NTM: variants seen among roughly 807,000 people sequenced by gnomAD.
NTM encodes neurotrimin.
Under a neutral mutation model 42.1 loss-of-function variants are expected in NTM, and 13 were observed. The observed-to-expected ratio is 0.31, with a 90% CI of 0.20 to 0.49. NTM has a LOEUF of 0.49. NTM is among the 20% of genes least tolerant of loss of function. The pLI is 0.99. For missense variants in NTM, 373 were observed against 452.8 expected, an observed-to-expected ratio of 0.82 and a Z score of 1.60; for synonymous variants, 187 against 179.2, an observed-to-expected ratio of 1.04 and a Z score of -0.35.
At chr11:131,517,358 T>C (rs867276326) in intron 1 of NTM, among the ~76,000 whole-genome samples, 2 of 152,176 alleles carry the variant, frequency 1.3e-5, no homozygotes, top group Non-Finnish European at 2.9e-5. Flanking sequence ...TCCCTTTCCT[T>C]TTTACTGTCA....
chr11:132,253,027 G>A (rs900742984), intron 4 of NTM, among the ~76,000 whole-genome samples: 1 of 152,200 alleles, frequency 6.6e-6, no homozygotes, highest in Admixed American at 6.5e-5. Context: ...AGAAGAAAAT[G>A]TTGATTCTAA....
At chr11:131,753,904 TAAAA>T (rs1424638191) in intron 1 of NTM, among the ~76,000 whole-genome samples, 1 of 142,930 alleles carries the variant, frequency 7.0e-6, no homozygotes, top group East Asian at 2.2e-4. Context: ...ATAATAAAAT[TAAAA>T]AAAGAAAATG....
intron 2 of NTM, among the ~76,000 whole-genome samples, chr11:132,129,842 C>T (rs1304987901): frequency 1.3e-5 from 2 of 152,222 alleles, no homozygotes; most frequent in African/African-American, 4.8e-5. Context: ...AAATGTCTGT[C>T]TGTCTTCTCC....
intron 1 of NTM, among the ~76,000 whole-genome samples, chr11:131,428,880 CAAAAAA>C (rs35312475): frequency 1.9e-4 from 16 of 83,992 alleles, no homozygotes; most frequent in African/African-American, 7.4e-4. Context: ...ACTAAAAATA[CAAAAAA>C]AAAAAAAAAA....
intron 1 of NTM, among the ~76,000 whole-genome samples, chr11:131,603,224 C>A (rs1395825695): frequency 6.6e-6 from 1 of 152,130 alleles, no homozygotes; most frequent in Non-Finnish European, 1.5e-5. Flanking sequence ...CATGCTAAAC[C>A]ACGTGGGTCC....
intron 1 of NTM, among the ~76,000 whole-genome samples, chr11:131,829,920 C>T (rs1331901591): frequency 1.3e-5 from 2 of 152,124 alleles, no homozygotes; most frequent in Non-Finnish European, 2.9e-5. Flanking sequence ...TTGCATTTCT[C>T]TGATGATTAG....
chr11:132,221,042 T>C (rs1446560811), intron 4 of NTM, among the ~76,000 whole-genome samples: 1 of 152,106 alleles, frequency 6.6e-6, no homozygotes, highest in African/African-American at 2.4e-5. Flanking sequence ...GGGAGTTTCT[T>C]GTGTAGGACC....
Position 131,651,149 on chromosome 11 carries a change from T to C in NTM, c.83-260415T>C, listed in dbSNP as rs111608574. On this transcript the variant is annotated intron_variant, in intron 1 of 8. Coordinates refer to ENST00000683400, the MANE Select transcript of NTM (RefSeq NM_001352005.2). ...TTTTAAGTTTGCTTCATAAAAACAA[T>C]TTAAATTAAGCTCCTCAAATATGCA... 3.1e-4 allele frequency among the ~76,000 whole-genome samples: 47 copies of C among 152,330 alleles called. 2 individuals carry two copies. The highest frequency in any genetic ancestry group is 1.1e-3 in the African/African-American group (45 of 41,580).
At chr11:131,484,511 G>A (rs956992) in intron 1 of NTM, among the ~76,000 whole-genome samples, 9,429 of 152,224 alleles carry the variant, frequency 0.062, 945 homozygotes, top group African/African-American at 0.21. Context: ...GTTCTTTGCT[G>A]AGACAGCTGA....
intron 1 of NTM, among the ~76,000 whole-genome samples, chr11:131,760,929 G>T (rs1394477713): frequency 2.0e-5 from 3 of 152,184 alleles, no homozygotes; most frequent in Non-Finnish European, 4.4e-5. Flanking sequence ...CCTTTCTGGG[G>T]CTCTAGGGAA....
At chr11:132,261,007 C>G (rs1462575950) in intron 4 of NTM, among the ~76,000 whole-genome samples, 1 of 152,124 alleles carries the variant, frequency 6.6e-6, no homozygotes, top group Admixed American at 6.5e-5. Flanking sequence ...GCTTAGGAGT[C>G]GAAGGATTTG....
At chr11:131,873,548 ACATATATATATAC>A (rs1372217893) in intron 1 of NTM, among the ~76,000 whole-genome samples, 6 of 50,770 alleles carry the variant, frequency 1.2e-4, no homozygotes, top group South Asian at 5.3e-4. Context: ...GTATATATAT[ACATATATATATAC>A]CGTATATATA....
intron 1 of NTM, among the ~76,000 whole-genome samples, chr11:131,690,968 C>T (rs2074597673): frequency 6.6e-6 from 1 of 152,136 alleles, no homozygotes; most frequent in South Asian, 2.1e-4. Flanking sequence ...AAATCCTCAG[C>T]GAGGGCCCTT....
intron 1 of NTM, among the ~76,000 whole-genome samples, chr11:131,520,307 T>C (rs181394005): frequency 2.0e-5 from 3 of 152,318 alleles, no homozygotes; most frequent in Admixed American, 6.5e-5. Flanking sequence ...ACTTTTGAGA[T>C]ATTATCAATA....
intron 4 of NTM, among the ~76,000 whole-genome samples, chr11:132,250,552 C>T (rs1012336537): frequency 6.6e-6 from 1 of 151,726 alleles, no homozygotes; most frequent in Non-Finnish European, 1.5e-5. Flanking sequence ...TGCCCTTATG[C>T]ATTGTTTGGC....
intron 1 of NTM, among the ~76,000 whole-genome samples, chr11:131,676,143 A>T (rs2134714881): frequency 6.6e-6 from 1 of 152,340 alleles, no homozygotes; most frequent in Non-Finnish European, 1.5e-5. Flanking sequence ...ATTTTTAGCA[A>T]GAGGCTGTTG....
intron 6 of NTM, among the ~76,000 whole-genome samples, chr11:132,313,759 C>T (rs1413344893): frequency 6.6e-6 from 1 of 152,110 alleles, no homozygotes; most frequent in Non-Finnish European, 1.5e-5. Flanking sequence ...AATAAGCATA[C>T]CTCACTTCCC....
chr11:132,252,882 G>A (rs1312930882), intron 4 of NTM, among the ~76,000 whole-genome samples: 1 of 152,174 alleles, frequency 6.6e-6, no homozygotes, highest in Non-Finnish European at 1.5e-5. Flanking sequence ...CCCATTTGGA[G>A]ATCCATAGGA....
At chr11:131,740,815 C>T (rs1007818481) in intron 1 of NTM, among the ~76,000 whole-genome samples, 2 of 152,130 alleles carry the variant, frequency 1.3e-5, no homozygotes, top group Non-Finnish European at 2.9e-5. Context: ...TGGGCTCAGG[C>T]ACAGTGTAAT....
Sources: allele counts gnomAD v4.1 joint callset (sites outside exome capture counted in the v4.1 genomes callset), GRCh38; gene constraint gnomAD v4.1.1; transcripts MANE v1.5; gene names NCBI Gene and HGNC (gene_info 2026-07-23, HGNC 2026-07-21).